The following PLCL2 variants were observed in gnomAD, a reference collection of about 807,000 sequenced individuals.
PLCL2 encodes phospholipase C like 2, also known as inactive phospholipase C-like protein 2.
Under a neutral mutation model 79.6 loss-of-function variants are expected in PLCL2, and 4 were observed. The ratio of observed to expected loss-of-function variants is 0.05; its 90% CI spans 0.02 to 0.11. PLCL2 has a LOEUF of 0.11. PLCL2 is among the 10% of genes least tolerant of loss of function. The pLI, the probability that PLCL2 is intolerant of heterozygous loss-of-function variation, is 1.00. For missense variants in PLCL2, 895 were observed against 1,291.0 expected, an observed-to-expected ratio of 0.69 and a Z score of 4.70; for synonymous variants, 484 against 457.7, an observed-to-expected ratio of 1.06 and a Z score of -0.73.
At position 16,959,318 on chromosome 3, in the gene PLCL2, A is replaced by G. The variant is rs542193974; in HGVS notation, c.328-50356A>G. On this transcript the variant is annotated intron_variant, in intron 1 of 5. Coordinates refer to ENST00000615277, the MANE Select transcript of PLCL2 (RefSeq NM_001144382.2). ...CTCCAAACCAATTTTCATTTCCACCAATTTACTGAACAACTTTCTTTACTG... is the reference window on the plus strand; with the variant it reads ...CTCCAAACCAATTTTCATTTCCACCGATTTACTGAACAACTTTCTTTACTG... 2.0e-5 allele frequency among the ~76,000 whole-genome samples: 3 copies of G among 152,122 alleles called. No individual in the cohort carries two copies. In the South Asian group the frequency reaches 6.2e-4, roughly 32 times the overall value.
chr3:16,889,807 A>G (rs1327443378), intron 1 of PLCL2, among the ~76,000 whole-genome samples: 1 of 152,214 alleles, frequency 6.6e-6, no homozygotes, highest in Non-Finnish European at 1.5e-5. Flanking sequence ...CTGCACAGGT[A>G]ACAAACACTC....
At chr3:17,027,859 G>T (rs1362164789) in intron 3 of PLCL2, among the ~76,000 whole-genome samples, 3 of 152,180 alleles carry the variant, frequency 2.0e-5, no homozygotes, top group African/African-American at 7.2e-5. Context: ...GAAACTAAAA[G>T]AGGAAAAAGC....
intron 1 of PLCL2, among the ~76,000 whole-genome samples, chr3:16,940,858 C>A (rs901602319): frequency 5.9e-5 from 9 of 152,116 alleles, no homozygotes; most frequent in Non-Finnish European, 1.0e-4. Flanking sequence ...TAGCGTGGTG[C>A]CAGCCCACAG....
intron 1 of PLCL2, among the ~76,000 whole-genome samples, chr3:16,903,513 C>T (rs1575520223): frequency 6.6e-6 from 1 of 152,312 alleles, no homozygotes; most frequent in Non-Finnish European, 1.5e-5. Context: ...CACTGGAGCT[C>T]CTGCCCTTAA....
At chr3:16,976,699 T>C (rs1375917072) in intron 1 of PLCL2, among the ~76,000 whole-genome samples, 2 of 152,154 alleles carry the variant, frequency 1.3e-5, no homozygotes, top group Non-Finnish European at 2.9e-5. Flanking sequence ...AAAAGGGTCA[T>C]TAGGTAATCA....
At chr3:16,885,805 T>C (rs571539866) in intron 1 of PLCL2, among the ~76,000 whole-genome samples, 1 of 152,336 alleles carries the variant, frequency 6.6e-6, no homozygotes, top group South Asian at 2.1e-4. Context: ...GATTATTTAA[T>C]AGGGTTCTTC....
chr3:16,921,721 AT>A (rs1324276360), intron 1 of PLCL2, among the ~76,000 whole-genome samples: 1 of 152,096 alleles, frequency 6.6e-6, no homozygotes, highest in African/African-American at 2.4e-5. Flanking sequence ...CCAGTGCAGA[AT>A]TTTTTTCTGA....
intron 1 of PLCL2, among the ~76,000 whole-genome samples, chr3:16,913,551 C>G (rs926800420): frequency 2.6e-5 from 4 of 151,828 alleles, no homozygotes; most frequent in Non-Finnish European, 5.9e-5. Context: ...ATGTTTACCT[C>G]AAATTATATC....
intron 1 of PLCL2, among the ~76,000 whole-genome samples, chr3:16,964,904 T>G (rs960459239): frequency 2.0e-5 from 3 of 152,194 alleles, no homozygotes; most frequent in African/African-American, 7.2e-5. Flanking sequence ...GAGTTCATTG[T>G]AGATGCTGGA....
chr3:16,987,017 A>G (rs2064056809), intron 1 of PLCL2, among the ~76,000 whole-genome samples: 1 of 151,562 alleles, frequency 6.6e-6, no homozygotes, highest in South Asian at 2.1e-4. Flanking sequence ...GAAGTCTGAC[A>G]TTTATGGGGT....
At chr3:16,912,100 G>A (rs1363527062) in intron 1 of PLCL2, among the ~76,000 whole-genome samples, 1 of 152,068 alleles carries the variant, frequency 6.6e-6, no homozygotes, top group Non-Finnish European at 1.5e-5. Flanking sequence ...TCCAGAGAAG[G>A]GATACTTAAT....
At chr3:16,912,990 C>T (rs1696917259) in intron 1 of PLCL2, among the ~76,000 whole-genome samples, 1 of 152,174 alleles carries the variant, frequency 6.6e-6, no homozygotes, top group Non-Finnish European at 1.5e-5. Flanking sequence ...TTCTGTTCTT[C>T]TCCCTTTCCC....
chr3:16,972,530 G>A (rs898518159), intron 1 of PLCL2, among the ~76,000 whole-genome samples: 5 of 152,108 alleles, frequency 3.3e-5, no homozygotes, highest in Non-Finnish European at 2.9e-5. Context: ...TTCAAGTTCC[G>A]AATATCTTTG....
chr3:17,055,072 G>A (rs1169065646), intron 4 of PLCL2, among the ~76,000 whole-genome samples: 1 of 152,104 alleles, frequency 6.6e-6, no homozygotes, highest in Non-Finnish European at 1.5e-5. Flanking sequence ...AAGATTAAAA[G>A]ATTAAACAAG....
chr3:16,980,585 G>A (rs374175370), intron 1 of PLCL2, among the ~76,000 whole-genome samples: 14 of 151,792 alleles, frequency 9.2e-5, no homozygotes, highest in Non-Finnish European at 1.6e-4. Context: ...GATGGCGGCC[G>A]GGAAGAGGCG....
At chr3:17,019,697 TTAAAA>T (rs1407205059) in intron 3 of PLCL2, among the ~76,000 whole-genome samples, 1 of 152,164 alleles carries the variant, frequency 6.6e-6, no homozygotes, top group Non-Finnish European at 1.5e-5. Context: ...TTTAATGCAC[TTAAAA>T]TAAAGAAAAC....
intron 1 of PLCL2, among the ~76,000 whole-genome samples, chr3:17,000,263 A>G (rs1244985838): frequency 6.6e-6 from 1 of 152,198 alleles, no homozygotes; most frequent in Non-Finnish European, 1.5e-5. Flanking sequence ...ACTTGTAGAT[A>G]TAAGTGGATC....
At chr3:17,075,453 G>C (rs550579965) in intron 5 of PLCL2, among the ~76,000 whole-genome samples, 1 of 150,634 alleles carries the variant, frequency 6.6e-6, no homozygotes, top group East Asian at 2.0e-4. Context: ...AATTACCAAA[G>C]AGTGACACAG....
chr3:16,953,059 A>C (rs774540082), intron 1 of PLCL2, among the ~76,000 whole-genome samples: 2 of 152,172 alleles, frequency 1.3e-5, no homozygotes, highest in Non-Finnish European at 2.9e-5. Flanking sequence ...AATGAATTGC[A>C]TTATATATAA....
Sources: allele counts gnomAD v4.1 joint callset (sites outside exome capture counted in the v4.1 genomes callset), GRCh38; gene constraint gnomAD v4.1.1; transcripts MANE v1.5; gene names NCBI Gene and HGNC (gene_info 2026-07-23, HGNC 2026-07-21).